Variants in PLGRKT observed in about 807,000 individuals in gnomAD.
The protein encoded by PLGRKT is plasminogen receptor (KT).
A neutral mutation model predicts 18.5 loss-of-function variants in PLGRKT; 22 were observed. The observed-to-expected ratio is 1.19, with a 90% CI of 0.85 to 1.70. The LOEUF (loss-of-function observed/expected upper bound fraction) is 1.70, where lower values mean the gene tolerates loss of function less well. Ranked by LOEUF, PLGRKT falls within the 40% of genes most tolerant of loss-of-function variation. PLGRKT has a pLI of 0.00. For missense variants in PLGRKT, 235 were observed against 174.4 expected (o/e 1.35, Z -1.96); for synonymous variants, 72 against 52.8 (o/e 1.36, Z -1.58).
intron 3 of PLGRKT, among the ~76,000 whole-genome samples, chr9:5,398,516 G>A (rs12378308): frequency 0.21 from 32,147 of 151,722 alleles, 4,209 homozygotes; most frequent in Non-Finnish European, 0.28. Flanking sequence ...TCTCCTTGGA[G>A]AAGGAAGTCC....
chr9:5,408,359 T>C (rs1818295341), intron 3 of PLGRKT, among the ~76,000 whole-genome samples: 1 of 152,236 alleles, frequency 6.6e-6, no homozygotes, highest in African/African-American at 2.4e-5. Flanking sequence ...GTCACTTCTC[T>C]TAAGCTTTAG....
At chr9:5,426,403 C>A (rs1818702607) in intron 3 of PLGRKT, among the ~76,000 whole-genome samples, 1 of 152,152 alleles carries the variant, frequency 6.6e-6, no homozygotes, top group Admixed American at 6.5e-5. Flanking sequence ...TTAATTCCTT[C>A]AAGTGGGACA....
intron 3 of PLGRKT, among the ~76,000 whole-genome samples, chr9:5,404,826 G>T (rs1586729863): frequency 6.6e-6 from 1 of 152,160 alleles, no homozygotes; most frequent in Non-Finnish European, 1.5e-5. Context: ...TAGGAAGAGA[G>T]GAGATCAAAT....
chr9:5,423,799 C>A (rs1476837126), intron 3 of PLGRKT, among the ~76,000 whole-genome samples: 1 of 150,284 alleles, frequency 6.7e-6, no homozygotes, highest in Non-Finnish European at 1.5e-5. Context: ...CCCCCCCAGG[C>A]TCAAGCAATC....
chr9:5,394,559 C>T (rs1818009823), intron 3 of PLGRKT, among the ~76,000 whole-genome samples: 1 of 151,338 alleles, frequency 6.6e-6, no homozygotes, highest in African/African-American at 2.4e-5. Context: ...ATTACAGGCG[C>T]CCACCACCAT....
At chr9:5,368,719 A>G (rs1817450424) in intron 3 of PLGRKT, among the ~76,000 whole-genome samples, 1 of 152,186 alleles carries the variant, frequency 6.6e-6, no homozygotes, top group Non-Finnish European at 1.5e-5. Flanking sequence ...AATCTAAAAC[A>G]AAAGTTGAAA....
At chr9:5,375,378 C>T (rs1817608325) in intron 3 of PLGRKT, among the ~76,000 whole-genome samples, 1 of 152,114 alleles carries the variant, frequency 6.6e-6, no homozygotes, top group Non-Finnish European at 1.5e-5. Flanking sequence ...AATGCATGAG[C>T]TTCCAGGAAC....
chr9:5,404,046 T>G (rs534422554), intron 3 of PLGRKT, among the ~76,000 whole-genome samples: 18 of 152,338 alleles, frequency 1.2e-4, no homozygotes, highest in African/African-American at 4.3e-4. Context: ...GGTACATTCC[T>G]GGACACATAC....
intron 3 of PLGRKT, among the ~76,000 whole-genome samples, chr9:5,368,663 C>T (rs763108389): frequency 1.3e-5 from 2 of 152,108 alleles, no homozygotes; most frequent in African/African-American, 4.8e-5. Flanking sequence ...TGGAATCATT[C>T]GTACCCCAAA....
intron 3 of PLGRKT, among the ~76,000 whole-genome samples, chr9:5,383,403 C>CT (rs1817782548): frequency 6.6e-6 from 1 of 152,160 alleles, no homozygotes; most frequent in Non-Finnish European, 1.5e-5. Flanking sequence ...GGTCCCCAAC[C>CT]TTTTTGGCAC....
intron 1 of PLGRKT, among the ~76,000 whole-genome samples, chr9:5,437,103 G>A (rs183613460): frequency 7.9e-5 from 12 of 152,098 alleles, no homozygotes; most frequent in Admixed American, 7.9e-4. Flanking sequence ...ATCTTGGAAG[G>A]GGTCTTTAAT....
chr9:5,436,953 C>A (rs1421154524), intron 1 of PLGRKT, among the ~76,000 whole-genome samples: 1 of 152,040 alleles, frequency 6.6e-6, no homozygotes, highest in African/African-American at 2.4e-5. Context: ...TTTAAAAATT[C>A]TAACACTTTT....
At chr9:5,393,584 A>C (rs1336147483) in intron 3 of PLGRKT, among the ~76,000 whole-genome samples, 2 of 151,876 alleles carry the variant, frequency 1.3e-5, no homozygotes, top group Non-Finnish European at 2.9e-5. Flanking sequence ...ATCACAGAAC[A>C]AGAGAATTAA....
chr9:5,379,133 T>C (rs956184236), intron 3 of PLGRKT, among the ~76,000 whole-genome samples: 2 of 152,038 alleles, frequency 1.3e-5, no homozygotes, highest in African/African-American at 2.4e-5. Context: ...AGCAGAATGG[T>C]TGAATATATA....
intron 3 of PLGRKT, among the ~76,000 whole-genome samples, chr9:5,427,756 G>A (rs1050181000): frequency 1.3e-5 from 2 of 152,146 alleles, no homozygotes; most frequent in Non-Finnish European, 2.9e-5. Flanking sequence ...TAGTTTTGGT[G>A]GCAAATGTGA....
intron 3 of PLGRKT, among the ~76,000 whole-genome samples, chr9:5,400,050 G>C (rs1399839490): frequency 6.6e-6 from 1 of 151,850 alleles, no homozygotes; most frequent in South Asian, 2.1e-4. Context: ...TCTTAAGGTG[G>C]TGGTAGTAAT....
At chr9:5,411,863 A>C (rs1586734533) in intron 3 of PLGRKT, among the ~76,000 whole-genome samples, 1 of 152,346 alleles carries the variant, frequency 6.6e-6, no homozygotes, top group South Asian at 2.1e-4. Flanking sequence ...TCTTGAATAA[A>C]ATGACTCAAT....
chr9:5,360,026 A>G (rs1486028516), intron 5 of PLGRKT, among the ~76,000 whole-genome samples: 3 of 152,338 alleles, frequency 2.0e-5, no homozygotes, highest in African/African-American at 7.2e-5. Flanking sequence ...CCTATGTTGC[A>G]GCTGATGAGA....
At chr9:5,406,623 G>T (rs1200801326) in intron 3 of PLGRKT, among the ~76,000 whole-genome samples, 25 of 152,088 alleles carry the variant, frequency 1.6e-4, no homozygotes, top group Admixed American at 1.6e-3. Flanking sequence ...GGTGGGCCAG[G>T]GGGAGAACAT....
Sources: gnomAD v4.1 joint callset for allele counts (sites outside exome capture counted in the v4.1 genomes callset) on GRCh38, gnomAD v4.1.1 for gene constraint, MANE v1.5 for transcripts, NCBI Gene and HGNC (gene_info 2026-07-23, HGNC 2026-07-21) for gene names.